The following CRELD2 variants were observed in gnomAD, a reference collection of about 807,000 sequenced individuals.
CRELD2 encodes protein disulfide isomerase CRELD2.
A neutral mutation model predicts 48.1 loss-of-function variants in CRELD2; 33 were observed. That is an observed-to-expected ratio of 0.69 (90% CI 0.52 to 0.92). The LOEUF (loss-of-function observed/expected upper bound fraction) is 0.92, where lower values mean the gene tolerates loss of function less well. Ranked by LOEUF, CRELD2 falls within the 40% of genes least tolerant of loss-of-function variation. The pLI is 0.00. For synonymous variants in CRELD2, 220 were observed against 203.9 expected (o/e 1.08, Z -0.67); for missense variants, 477 against 482.4 (o/e 0.99, Z 0.10).
chr22:49,924,123 C>G (rs1432710475), intron 7 of CRELD2: 5 of 409,814 alleles, frequency 1.2e-5, no homozygotes, highest in Non-Finnish European at 1.8e-5. Context: ...CCCAGTTTCT[C>G]CCAAAGAGTT....
At chr22:49,925,356 C>T (rs1259449439) in intron 8 of CRELD2, 61 bp from the exon 9 acceptor site, 1 of 1,086,100 alleles carries the variant, frequency 9.2e-7, no homozygotes. Flanking sequence ...GAATGAATTT[C>T]ATAATCCGCT....
Position 49,919,215 on chromosome 22 carries a change from A to G in CRELD2, c.130-15A>G. 2.5e-6 allele frequency: 4 copies of G among 1,613,146 alleles called. No homozygotes were observed. The highest frequency in any genetic ancestry group is 3.4e-6 in the Non-Finnish European group (4 of 1,179,612). ...TCAGGTGGTACCAAGCACTATGGGC[A>G]CTGTCTCCTCGCAGGGGATGGTGGA... On this transcript the variant is annotated splice_polypyrimidine_tract_variant and intron_variant, in intron 1 of 9. Transcript: ENST00000328268.
At position 49,918,903 on chromosome 22, in the gene CRELD2, GAA is replaced by G. The variant is rs1355231643; in HGVS notation, c.129+6_129+7del. ...CTGGTGGACAAGTTTAACCAGGTGG[GAA>G]GGGGCCGGGCGGGGTCGTCAACCTT... On this transcript the variant is annotated splice_donor_region_variant and intron_variant, in intron 1 of 9. Transcript: ENST00000328268. 2 of 1,316,942 alleles carry G rather than the reference GAA, an allele frequency of 1.5e-6. No individual in the cohort carries two copies. The highest frequency in any genetic ancestry group is 3.1e-5 in the African/African-American group (2 of 65,088). The allele number at this position is 1,316,942 out of a possible 1,614,324, so 81.6% of individuals were successfully genotyped here.
chr22:49,924,504 C>T, intron 8 of CRELD2, 49 bp downstream of exon 8: 1 of 1,374,588 alleles, frequency 7.3e-7, no homozygotes, highest in Non-Finnish European at 1.0e-6. Flanking sequence ...TCCCAAGTGA[C>T]CATGATGTGA....
chr22:49,919,456 C>A, intron 2 of CRELD2, 144 bp downstream of exon 2: 1 of 755,028 alleles, frequency 1.3e-6, no homozygotes, highest in Non-Finnish European at 2.2e-6. Flanking sequence ...CTCGGCTTCT[C>A]CCTGAGGACT....
At chr22:49,922,792 A>AGAGGGG (rs2060707196) in intron 6 of CRELD2, 85 bp downstream of exon 6, 1 of 49,836 alleles carries the variant, frequency 2.0e-5, no homozygotes, top group African/African-American at 1.2e-4. Flanking sequence ...GGGGGGTGTG[A>AGAGGGG]GGCATGGGGG....
Position 49,925,523 on chromosome 22 carries a change from A to C in CRELD2, c.975A>C (p.Glu325Asp), listed in dbSNP as rs780911702. The C allele has an allele frequency of 6.2e-6, 10 of 1,613,806 alleles. No homozygotes were observed. The change falls in exon 9 of 10, where the codon GAA becomes GAC. Residue 325 changes from glutamate (E) to aspartate (D), a missense_variant. Glu to Asp is a conservative substitution (Grantham distance 45). Transcript: ENST00000328268. ...YVCVCPDGFEETEDACVPPAE... is the reference protein window; with the variant it reads ...YVCVCPDGFEDTEDACVPPAE... Reference sequence around the variant, plus strand: ...GTGTGTGTCCTGACGGCTTCGAAGAAACGGAAGATGCCTGTGTGCCGCCGG... The same window carrying C: ...GTGTGTGTCCTGACGGCTTCGAAGACACGGAAGATGCCTGTGTGCCGCCGG...
intron 6 of CRELD2, 37 bp downstream of exon 6, chr22:49,922,744 G>A (rs766204075): frequency 2.7e-5 from 37 of 1,370,834 alleles, no homozygotes; most frequent in South Asian, 2.7e-4. Context: ...GGGCGCCTGC[G>A]TGAGGCGTGG....
intron 7 of CRELD2, chr22:49,923,569 C>T (rs555869295): frequency 5.1e-6 from 3 of 589,240 alleles, no homozygotes; most frequent in South Asian, 1.8e-5. Flanking sequence ...ACTGCTCGTG[C>T]CCCCCCAGCG....
chr22:49,924,706 T>G, intron 8 of CRELD2: 1 of 313,218 alleles, frequency 3.2e-6, no homozygotes, highest in South Asian at 4.5e-5. Flanking sequence ...GCCGGTGGCC[T>G]CGTTCCCCAG....
In CRELD2 at chr22:49,921,596, G is replaced by A. The variant is rs144960446; in HGVS notation, c.427G>A (p.Gly143Arg). The change falls in exon 5 of 10, where the codon GGA (glycine) becomes AGA (arginine). Residue 143 changes from glycine (G) to arginine (R), a missense_variant. Gly to Arg is a moderately radical substitution (Grantham distance 125). Coordinates refer to ENST00000328268, the MANE Select transcript of CRELD2 (RefSeq NM_024324.5). ...TGTGTCCCCTAAAGCATGCCAGGGC[G>A]GATCCCAGAGGCCCTGCAGCGGGAA... The part of the protein sequence containing the change: ...YGPDCLACQG[G>R]SQRPCSGNGH... The A allele has an allele frequency of 2.6e-5, 42 of 1,612,418 alleles. No homozygotes were observed. Among genetic ancestry groups the A allele is most frequent in the Non-Finnish European group, 2.7e-5 (32 of 1,179,810 alleles).
At position 49,924,397 on chromosome 22, in the gene CRELD2, C is replaced by T. The variant is rs1393065401; in HGVS notation, c.810C>T (p.Gly270=). The change falls in exon 8 of 10, where the codon GGC becomes GGT. Residue 270 remains glycine (G), a synonymous_variant. Transcript: ENST00000328268. ...DSSCVGCTGE[G]PGNCKECISG... ...GCTGTGTGGGCTGCACAGGGGAAGG[C>T]CCAGGAAACTGTAAAGAGTGTATCT... is the stretch of plus-strand genomic sequence containing the variant. The T allele has an allele frequency of 6.2e-7, 1 of 1,612,484 alleles. No homozygotes were observed. The highest frequency in any genetic ancestry group is 1.1e-5 in the South Asian group (1 of 90,790).
intron 2 of CRELD2, 94 bp downstream of exon 2, chr22:49,919,406 C>A: frequency 1.7e-6 from 2 of 1,160,910 alleles, no homozygotes; most frequent in Non-Finnish European, 1.3e-6. Context: ...GACAGGGAGA[C>A]AGAACAGCCC....
At chr22:49,925,692 G>C in intron 9 of CRELD2, 135 bp downstream of exon 9, 1 of 1,503,306 alleles carries the variant, frequency 6.7e-7, no homozygotes, top group Non-Finnish European at 8.9e-7. Flanking sequence ...CCGGAAGACA[G>C]GTGCATGACA....
At position 49,920,173 on chromosome 22, in the gene CRELD2, A is replaced by G; in HGVS notation, c.341A>G (p.Asp114Gly). 1.2e-6 allele frequency: 2 copies of G among 1,610,686 alleles called. No individual in the cohort carries two copies. Among genetic ancestry groups the G allele is most frequent in the Non-Finnish European group, 1.7e-6 (2 of 1,177,830 alleles). Residue 114 changes from aspartate to glycine, a missense_variant, in exon 4 of 10, where the codon GAC (aspartate) becomes GGC (glycine). Transcript: ENST00000328268. ...WWLQLKSEYP[D>G]LFEWFCVKTL... The stretch of plus-strand genomic sequence containing the variant: ...ATCCTCAGGAAGAGCGAATATCCTG[A>G]CTTATTCGAGTGGTTTTGTGTGAAG...
intron 1 of CRELD2, 132 bp downstream of exon 1, chr22:49,919,030 G>GTTCGCCCCC: frequency 1.1e-6 from 1 of 885,308 alleles, no homozygotes; most frequent in South Asian, 1.8e-5. Context: ...CTGGATTCGG[G>GTTCGCCCCC]ATCCCCCTCA....
intron 4 of CRELD2, among the ~76,000 whole-genome samples, chr22:49,920,925 C>T (rs9616391): frequency 0.19 from 28,429 of 152,252 alleles, 2,739 homozygotes; most frequent in South Asian, 0.3. Flanking sequence ...GCGCCTGACG[C>T]GTCAGTGTCC....
At position 49,918,852 on chromosome 22, in the gene CRELD2, C is replaced by T; in HGVS notation, c.83C>T (p.Pro28Leu). ...LPPAPEAAKK[P>L]TPCHRCRGLV... ...CCCGCGCCGGAGGCCGCCAAGAAGCCGACGCCCTGCCACCGGTGCCGGGGG... is the reference window on the plus strand; with the variant it reads ...CCCGCGCCGGAGGCCGCCAAGAAGCTGACGCCCTGCCACCGGTGCCGGGGG... The change falls in exon 1 of 10, where the codon CCG becomes CTG. Residue 28 changes from proline (P) to leucine (L), a missense_variant. By Grantham distance (98) the Pro-to-Leu change is moderately conservative (BLOSUM62 -3). Coordinates refer to ENST00000328268, the MANE Select transcript of CRELD2 (RefSeq NM_024324.5). 7.6e-7 allele frequency: 1 copy of T among 1,317,582 alleles called. No individual in the cohort carries two copies. The highest frequency in any genetic ancestry group is 9.6e-7 in the Non-Finnish European group (1 of 1,036,780). The allele number at this position is 1,317,582 out of a possible 1,614,324, so 81.6% of individuals were successfully genotyped here.
chr22:49,923,064 G>A (rs80177491), intron 6 of CRELD2, 170 bp from the exon 7 acceptor site: 4 of 602,670 alleles, frequency 6.6e-6, no homozygotes, highest in Admixed American at 6.3e-5. Context: ...CCCCTGCCGC[G>A]TGGGGCCTCC....
Sources: allele counts gnomAD v4.1 joint callset (sites outside exome capture counted in the v4.1 genomes callset), GRCh38; gene constraint gnomAD v4.1.1; transcripts MANE v1.5; gene names NCBI Gene and HGNC (gene_info 2026-07-23, HGNC 2026-07-21).